The following CAMTA1 variants were observed in gnomAD, a reference collection of about 807,000 sequenced individuals.
CAMTA1 encodes the protein calmodulin binding transcription activator 1.
A neutral mutation model predicts 170.9 loss-of-function variants in CAMTA1; 27 were observed. The observed-to-expected ratio is 0.16, with a 90% CI of 0.12 to 0.22. The LOEUF (loss-of-function observed/expected upper bound fraction) is 0.22. Ranked by LOEUF, CAMTA1 falls within the 10% of genes least tolerant of loss-of-function variation. The pLI is 1.00. For missense variants in CAMTA1, 1,619 were observed against 2,217.2 expected, an observed-to-expected ratio of 0.73 and a Z score of 5.42; for synonymous variants, 833 against 891.5, an observed-to-expected ratio of 0.93 and a Z score of 1.17.
At chr1:7,754,817 A>T (rs1391788012) in intron 21 of CAMTA1, among the ~76,000 whole-genome samples, 1 of 152,212 alleles carries the variant, frequency 6.6e-6, no homozygotes, top group African/African-American at 2.4e-5. Flanking sequence ...TAGCCTCTGT[A>T]ATAAGATCAG....
chr1:7,549,421 C>A (rs1411113629), intron 6 of CAMTA1, among the ~76,000 whole-genome samples: 1 of 152,114 alleles, frequency 6.6e-6, no homozygotes, highest in Non-Finnish European at 1.5e-5. Context: ...ACCCCTTGGC[C>A]ACCTCCCTCA....
chr1:7,090,064 C>T (rs1211422725), intron 3 of CAMTA1, among the ~76,000 whole-genome samples: 2 of 152,164 alleles, frequency 1.3e-5, no homozygotes, highest in Non-Finnish European at 2.9e-5. Flanking sequence ...TCCAGGCTTC[C>T]GGACAGAGGT....
intron 6 of CAMTA1, among the ~76,000 whole-genome samples, chr1:7,516,763 A>G (rs2094292535): frequency 6.6e-6 from 1 of 152,212 alleles, no homozygotes. Flanking sequence ...ACAGGCCAGA[A>G]GAAGGGGCTC....
intron 5 of CAMTA1, among the ~76,000 whole-genome samples, chr1:7,428,032 G>A (rs761649290): frequency 6.6e-6 from 1 of 152,214 alleles, no homozygotes; most frequent in Non-Finnish European, 1.5e-5. Flanking sequence ...GAAGCAGGCA[G>A]CACTGGAGTC....
chr1:6,912,988 G>A (rs1191366000), intron 3 of CAMTA1, among the ~76,000 whole-genome samples: 2 of 152,326 alleles, frequency 1.3e-5, no homozygotes, highest in East Asian at 3.9e-4. Flanking sequence ...TGCCTTGCCA[G>A]CACCTCCCTG....
intron 5 of CAMTA1, among the ~76,000 whole-genome samples, chr1:7,386,550 A>T (rs1054542786): frequency 6.6e-6 from 1 of 152,130 alleles, no homozygotes; most frequent in Non-Finnish European, 1.5e-5. Flanking sequence ...TCTCTCTCCA[A>T]CTAACATCTG....
chr1:7,561,675 G>A lies in CAMTA1; in HGVS notation c.511-78725G>A, dbSNP rs2094958848. On this transcript the variant is annotated intron_variant, in intron 6 of 22. Coordinates refer to ENST00000303635, the MANE Select transcript of CAMTA1 (RefSeq NM_015215.4). The surrounding 1 kb of genome is among the most constrained non-coding windows in gnomAD (Gnocchi z 5.3). ...GGATCAGCAGGCAAGGCTCCATGAT[G>A]CCCGTCAGAGGCCACCCCTCCCCAG... 6.6e-6 allele frequency among the ~76,000 whole-genome samples: 1 copy of A among 151,984 alleles called. No homozygotes were observed. Among genetic ancestry groups the A allele is most frequent in the South Asian group, 2.1e-4 (1 of 4,804 alleles).
rs191399388 is a variant in CAMTA1, at chr1:7,216,927, G to T, written c.303-32564G>T. ...TAGCATTAGAAGGTGTCATAATGTT[G>T]TTTCTTAAATTATACTTATTCTACT... is the stretch of plus-strand genomic sequence containing the variant. On this transcript the variant is annotated intron_variant, in intron 4 of 22. Coordinates refer to ENST00000303635, the MANE Select transcript of CAMTA1 (RefSeq NM_015215.4). The surrounding 1 kb of genome is among the most constrained non-coding windows in gnomAD (Gnocchi z 4.0). 2.0e-4 allele frequency among the ~76,000 whole-genome samples: 31 copies of T among 152,252 alleles called. No homozygotes were observed. The highest frequency in any genetic ancestry group is 3.4e-4 in the Non-Finnish European group (23 of 68,008).
chr1:7,431,917 A>C (rs933862673), intron 5 of CAMTA1, among the ~76,000 whole-genome samples: 2 of 152,172 alleles, frequency 1.3e-5, no homozygotes, highest in African/African-American at 4.8e-5. Flanking sequence ...CACATGCAGC[A>C]TGGGAGCCAC....
At chr1:6,995,608 C>CT (rs1385813690) in intron 3 of CAMTA1, among the ~76,000 whole-genome samples, 1 of 152,100 alleles carries the variant, frequency 6.6e-6, no homozygotes, top group Non-Finnish European at 1.5e-5. Context: ...GGCCTAAAAT[C>CT]TTTGTCTTCC....
chr1:7,546,667 T>C (rs1296220442), intron 6 of CAMTA1, among the ~76,000 whole-genome samples: 1 of 152,262 alleles, frequency 6.6e-6, no homozygotes, highest in Admixed American at 6.5e-5. Context: ...CAGCATCTGT[T>C]GTTTTTTAAC....
At chr1:7,296,706 T>C (rs1425439970) in intron 5 of CAMTA1, among the ~76,000 whole-genome samples, 2 of 151,786 alleles carry the variant, frequency 1.3e-5, no homozygotes, top group Non-Finnish European at 2.9e-5. Context: ...TCAAGGGTGA[T>C]GTTCAGATGT....
At chr1:6,883,647 G>A (rs1672267813) in intron 3 of CAMTA1, among the ~76,000 whole-genome samples, 1 of 152,150 alleles carries the variant, frequency 6.6e-6, no homozygotes. Context: ...CATGGGGTCA[G>A]TGGATTCAAG....
At chr1:7,370,653 G>A (rs1021159412) in intron 5 of CAMTA1, among the ~76,000 whole-genome samples, 1 of 152,188 alleles carries the variant, frequency 6.6e-6, no homozygotes, top group East Asian at 1.9e-4. Flanking sequence ...GTGTGGTTGG[G>A]AGGGGTTTTG....
chr1:7,427,521 T>A (rs1345895271), intron 5 of CAMTA1, among the ~76,000 whole-genome samples: 3 of 152,210 alleles, frequency 2.0e-5, no homozygotes, highest in Non-Finnish European at 2.9e-5. Context: ...CACAATAATT[T>A]GCTATAAGCT....
intron 6 of CAMTA1, among the ~76,000 whole-genome samples, chr1:7,578,808 T>C (rs1238914217): frequency 6.6e-6 from 1 of 152,148 alleles, no homozygotes; most frequent in Non-Finnish European, 1.5e-5. Flanking sequence ...ACTCTCTCAA[T>C]AGTGGCACGA....
In CAMTA1 at chr1:7,251,116, C is replaced by A. The variant is rs967925361; in HGVS notation, c.438+1490C>A. ...CTGCGGGAATTCAAACTGGAAGTCACGGCAGCTCCTGTGCCCGTAGGCCCC... is the reference window on the plus strand; with the variant it reads ...CTGCGGGAATTCAAACTGGAAGTCAAGGCAGCTCCTGTGCCCGTAGGCCCC... On this transcript the variant is annotated intron_variant, in intron 5 of 22. Coordinates refer to ENST00000303635, the MANE Select transcript of CAMTA1 (RefSeq NM_015215.4). This position sits in a 1 kb window ranked among gnomAD's most constrained non-coding sequence, Gnocchi z 5.1. 1.3e-5 allele frequency among the ~76,000 whole-genome samples: 2 copies of A among 152,088 alleles called. No homozygotes were observed. Among genetic ancestry groups the A allele is most frequent in the African/African-American group, 4.8e-5 (2 of 41,392 alleles).
chr1:7,575,194 T>C (rs1488274466), intron 6 of CAMTA1, among the ~76,000 whole-genome samples: 3 of 152,202 alleles, frequency 2.0e-5, no homozygotes, highest in Non-Finnish European at 2.9e-5. Context: ...GCCTTTGTGG[T>C]TATTCTTTGC....
chr1:7,415,244 G>T (rs1229216210), intron 5 of CAMTA1, among the ~76,000 whole-genome samples: 1 of 151,930 alleles, frequency 6.6e-6, no homozygotes, highest in Admixed American at 6.6e-5. Context: ...TGTTGATTTG[G>T]GGTGGAGAGC....
Sources: allele counts gnomAD v4.1 joint callset (sites outside exome capture counted in the v4.1 genomes callset), GRCh38; gene constraint gnomAD v4.1.1; non-coding constraint Gnocchi (gnomAD v3.1); transcripts MANE v1.5; gene names NCBI Gene and HGNC (gene_info 2026-07-23, HGNC 2026-07-21).